Variants in RBFOX2 observed in about 807,000 individuals in gnomAD.
The protein encoded by RBFOX2 is RNA binding fox-1 homolog 2.
A neutral mutation model predicts 49.1 loss-of-function variants in RBFOX2; 10 were observed. The ratio of observed to expected loss-of-function variants is 0.20; its 90% CI spans 0.13 to 0.35. The LOEUF (loss-of-function observed/expected upper bound fraction) is 0.35, where lower values mean the gene tolerates loss of function less well. RBFOX2 is among the 10% of genes least tolerant of loss of function. The pLI is 1.00. For missense variants in RBFOX2, 323 were observed against 486.9 expected, an observed-to-expected ratio of 0.66 and a Z score of 3.17; for synonymous variants, 183 against 187.4, an observed-to-expected ratio of 0.98 and a Z score of 0.19.
intron 2 of RBFOX2, among the ~76,000 whole-genome samples, chr22:35,804,457 C>T (rs368362127): frequency 3.3e-5 from 5 of 152,134 alleles, no homozygotes; most frequent in East Asian, 1.9e-4. Context: ...CATAGAGAAA[C>T]GGCTCAAAGC....
intron 2 of RBFOX2, among the ~76,000 whole-genome samples, chr22:35,788,421 T>G (rs985247054): frequency 6.6e-6 from 1 of 152,222 alleles, no homozygotes; most frequent in Non-Finnish European, 1.5e-5. Context: ...GAAGTCTTCA[T>G]TTCTTATTTT....
chr22:35,781,537 C>A, intron 3 of RBFOX2, 63 bp downstream of exon 4: 1 of 1,546,978 alleles, frequency 6.5e-7, no homozygotes. Context: ...TGACTAATAA[C>A]ACATCTGGGG....
At chr22:35,785,363 G>A (rs1946166475) in intron 2 of RBFOX2, among the ~76,000 whole-genome samples, 2 of 152,168 alleles carry the variant, frequency 1.3e-5, no homozygotes, top group South Asian at 4.1e-4. Context: ...TATTCCCTAT[G>A]AAGTGCATGC....
chr22:35,779,498 A>T (rs912695623), intron 3 of RBFOX2, among the ~76,000 whole-genome samples: 2 of 152,212 alleles, frequency 1.3e-5, no homozygotes, highest in Non-Finnish European at 2.9e-5. Context: ...GGTTTAATAG[A>T]AGAATCACGG....
chr22:35,964,181 A>G (rs1011907804), upstream of RBFOX2, among the ~76,000 whole-genome samples: 1 of 152,162 alleles, frequency 6.6e-6, no homozygotes, highest in Non-Finnish European at 1.5e-5. Context: ...TGGATTCCAA[A>G]GCCTGTGCAT....
At chr22:35,988,947 T>C (rs947619088) in intron 1 of RBFOX2, among the ~76,000 whole-genome samples, 2 of 152,228 alleles carry the variant, frequency 1.3e-5, no homozygotes, top group African/African-American at 4.8e-5. Context: ...CCCAGCATCT[T>C]GGGAGACCGA....
intron 1 of RBFOX2, among the ~76,000 whole-genome samples, chr22:35,932,025 T>C (rs761072172): frequency 2.8e-4 from 42 of 152,218 alleles, no homozygotes; most frequent in Non-Finnish European, 4.9e-4. Context: ...AACATATATG[T>C]ATGTGTGTAT....
intron 1 of RBFOX2, among the ~76,000 whole-genome samples, chr22:35,869,909 T>C (rs1484657723): frequency 6.6e-6 from 1 of 152,242 alleles, no homozygotes; most frequent in Non-Finnish European, 1.5e-5. Context: ...CAACCCAGAA[T>C]AGCACGTACA....
intron 1 of RBFOX2, among the ~76,000 whole-genome samples, chr22:35,826,985 T>C (rs1432007904): frequency 6.6e-6 from 1 of 152,222 alleles, no homozygotes; most frequent in Non-Finnish European, 1.5e-5. Context: ...GGGATTACTT[T>C]ACTTAGATAA....
At chr22:35,848,147 G>C (rs1205489208) in intron 1 of RBFOX2, among the ~76,000 whole-genome samples, 1 of 151,910 alleles carries the variant, frequency 6.6e-6, no homozygotes, top group Non-Finnish European at 1.5e-5. Context: ...GCTGGTTGTG[G>C]GTCAGAAATT....
intron 1 of RBFOX2, among the ~76,000 whole-genome samples, chr22:35,903,308 ATCT>A (rs1426728574): frequency 3.3e-5 from 5 of 152,120 alleles, no homozygotes; most frequent in African/African-American, 4.8e-5. Context: ...AAAGCTGACA[ATCT>A]TCTTAAAACA....
At chr22:35,960,890 G>T (rs773022758) in intron 1 of RBFOX2, among the ~76,000 whole-genome samples, 1 of 151,838 alleles carries the variant, frequency 6.6e-6, no homozygotes, top group African/African-American at 2.4e-5. Flanking sequence ...CGCAATGGTT[G>T]TATCACCAAC....
At chr22:35,825,170 T>C (rs1955387625) in intron 1 of RBFOX2, among the ~76,000 whole-genome samples, 1 of 152,154 alleles carries the variant, frequency 6.6e-6, no homozygotes, top group Non-Finnish European at 1.5e-5. Flanking sequence ...CAGTGAGCCA[T>C]GATGGCGCCA....
chr22:35,913,276 A>G (rs2050026296), intron 1 of RBFOX2, among the ~76,000 whole-genome samples: 1 of 152,102 alleles, frequency 6.6e-6, no homozygotes, highest in South Asian at 2.1e-4. Flanking sequence ...CCACGAGTTC[A>G]AGATCAGCCT....
At chr22:35,819,335 T>G (rs1053187806) in intron 1 of RBFOX2, among the ~76,000 whole-genome samples, 6 of 152,048 alleles carry the variant, frequency 3.9e-5, no homozygotes, top group African/African-American at 1.4e-4. Context: ...TATGTGGGAG[T>G]CCACATTATG....
intron 1 of RBFOX2, among the ~76,000 whole-genome samples, chr22:35,883,579 G>A (rs941265518): frequency 1.3e-5 from 2 of 152,196 alleles, no homozygotes; most frequent in African/African-American, 4.8e-5. Flanking sequence ...GAAAGGCTGA[G>A]AATTTTCAAA....
intron 1 of RBFOX2, among the ~76,000 whole-genome samples, chr22:35,833,561 C>CA (rs926432319): frequency 9.3e-4 from 141 of 152,014 alleles, no homozygotes; most frequent in African/African-American, 3.1e-3. Flanking sequence ...AAGTCTCCTG[C>CA]AAAAAATGGG....
At chr22:36,009,638 C>T (rs886322324) in intron 1 of RBFOX2, among the ~76,000 whole-genome samples, 2 of 152,182 alleles carry the variant, frequency 1.3e-5, no homozygotes, top group African/African-American at 4.8e-5. Flanking sequence ...ACCCACCCGC[C>T]TTGGCCTCCC....
intron 1 of RBFOX2, among the ~76,000 whole-genome samples, chr22:35,954,374 T>C (rs1049300440): frequency 6.6e-6 from 1 of 152,216 alleles, no homozygotes; most frequent in African/African-American, 2.4e-5. Context: ...ATGGATGGTA[T>C]TGTTTCTGTT....
Sources: allele counts gnomAD v4.1 joint callset (sites outside exome capture counted in the v4.1 genomes callset), GRCh38; gene constraint gnomAD v4.1.1; transcripts MANE v1.5; gene names NCBI Gene and HGNC (gene_info 2026-07-23, HGNC 2026-07-21).